Variants in PARD3 observed in about 807,000 individuals in gnomAD.
The protein encoded by PARD3 is par-3 family cell polarity regulator.
In PARD3, 75 loss-of-function variants were observed where a neutral mutation model predicts 155.4. The ratio of observed to expected loss-of-function variants is 0.48; its 90% confidence interval spans 0.40 to 0.58. The LOEUF is 0.58. PARD3 is among the 20% of genes least tolerant of loss of function. PARD3 has a pLI of 0.00. For synonymous variants in PARD3, 576 were observed against 610.5 expected (o/e 0.94, Z 0.83); for missense variants, 1,642 against 1,721.7 (o/e 0.95, Z 0.82).
chr10:34,215,448 C>T (rs1951958481), intron 22 of PARD3, among the ~76,000 whole-genome samples: 2 of 152,182 alleles, frequency 1.3e-5, no homozygotes, highest in African/African-American at 2.4e-5. Context: ...AAAACTCTAT[C>T]CTTTAATCCA....
chr10:34,792,595 C>A (rs1413022899), intron 1 of PARD3, among the ~76,000 whole-genome samples: 1 of 152,212 alleles, frequency 6.6e-6, no homozygotes, highest in Non-Finnish European at 1.5e-5. Flanking sequence ...TTCTCAAGTA[C>A]ACTGTTTTCC....
chr10:34,756,287 G>A lies in PARD3; in HGVS notation c.120+58589C>T, dbSNP rs186368399. Among the ~76,000 whole-genome samples the A allele has an allele frequency of 2.6e-3, 384 of 149,370 alleles. 2 individuals are homozygous for A. The highest frequency in any genetic ancestry group is 6.8e-3 in the Middle Eastern group (2 of 292). On this transcript the variant is annotated intron_variant, in intron 1 of 24. Transcript: ENST00000374788. ...TCCTGCCTCAGCCTCCTGAGTAGCT[G>A]GGACTACAGGCACCCGCCACCACAC...
chr10:34,577,904 G>T (rs1008489574), intron 2 of PARD3, among the ~76,000 whole-genome samples: 1 of 151,638 alleles, frequency 6.6e-6, no homozygotes, highest in African/African-American at 2.4e-5. Context: ...CAAGCTGGAG[G>T]GCAGGGGCAC....
At chr10:34,308,461 T>C (rs890977899) in intron 20 of PARD3, among the ~76,000 whole-genome samples, 14 of 152,178 alleles carry the variant, frequency 9.2e-5, no homozygotes, top group African/African-American at 2.9e-4. Flanking sequence ...CTTTTGCTTT[T>C]ATACATTCTT....
chr10:34,364,081 G>C (rs1434667198), intron 12 of PARD3, among the ~76,000 whole-genome samples: 2 of 152,110 alleles, frequency 1.3e-5, no homozygotes, highest in African/African-American at 4.8e-5. Flanking sequence ...AAAAAACTGA[G>C]AATAGAGCTG....
chr10:34,802,282 T>G (rs779465726), intron 1 of PARD3, among the ~76,000 whole-genome samples: 1 of 149,888 alleles, frequency 6.7e-6, no homozygotes, highest in East Asian at 1.9e-4. Flanking sequence ...AAAGCACTTT[T>G]AGAAAAAAAA....
chr10:34,773,415 G>A (rs758883425), intron 1 of PARD3, among the ~76,000 whole-genome samples: 13 of 152,048 alleles, frequency 8.5e-5, no homozygotes, highest in Non-Finnish European at 1.6e-4. Flanking sequence ...TAATGGTTTC[G>A]GAAATTAAAT....
rs1554785721 is a variant in PARD3 at position 34,608,533 on chromosome 10, A to AC, written c.222+87784dup. On this transcript the variant is annotated intron_variant, in intron 2 of 24. Transcript: ENST00000374788. The stretch of plus-strand genomic sequence containing the variant: ...ACAAAAGAATACAGTAAAAAAGAAT[A>AC]CTTTTTTTTTTTTTTTTTTGAGACG... Among the ~76,000 whole-genome samples, 8 of 112,452 alleles carry AC rather than the reference A, an allele frequency of 7.1e-5. No individual in the cohort carries two copies. In the South Asian group the frequency reaches 1.1e-3, roughly 16 times the overall value. 73.8% of individuals were successfully genotyped at this position (112,452 alleles called of 152,430 possible). A position where few individuals can be genotyped will look rare whatever the true frequency, so the allele number is the denominator to read the frequency against.
chr10:34,712,681 G>C (rs1422400646), intron 1 of PARD3, among the ~76,000 whole-genome samples: 2 of 152,098 alleles, frequency 1.3e-5, no homozygotes, highest in Non-Finnish European at 2.9e-5. Flanking sequence ...TAGGAAGGGA[G>C]ACACTGTCGC....
At chr10:34,345,046 A>T in intron 15 of PARD3, 1 of 984,616 alleles carries the variant, frequency 1.0e-6, no homozygotes, top group Non-Finnish European at 1.2e-6. Context: ...AGACTTTCGA[A>T]TAACTGCTTA....
At chr10:34,505,271 G>A (rs1055776400) in intron 3 of PARD3, among the ~76,000 whole-genome samples, 1 of 152,130 alleles carries the variant, frequency 6.6e-6, no homozygotes, top group African/African-American at 2.4e-5. Context: ...AACATAATTA[G>A]GCAAATAAGG....
chr10:34,612,996 C>G (rs943807852), intron 2 of PARD3, among the ~76,000 whole-genome samples: 1 of 152,044 alleles, frequency 6.6e-6, no homozygotes, highest in African/African-American at 2.4e-5. Flanking sequence ...TGTACAAAAC[C>G]TAAACCTACA....
intron 20 of PARD3, among the ~76,000 whole-genome samples, chr10:34,315,998 T>C (rs1039052570): frequency 2.0e-5 from 3 of 152,228 alleles, no homozygotes; most frequent in Admixed American, 1.3e-4. Flanking sequence ...GGCTGGGCCA[T>C]GGTTCCTCGA....
At chr10:34,749,785 G>C (rs564823329) in intron 1 of PARD3, among the ~76,000 whole-genome samples, 1 of 152,054 alleles carries the variant, frequency 6.6e-6, no homozygotes, top group Non-Finnish European at 1.5e-5. Context: ...CACTTTGAGA[G>C]GCAGGAGGGC....
intron 9 of PARD3, 119 bp downstream of exon 9, chr10:34,382,421 G>C: frequency 2.1e-6 from 2 of 932,098 alleles, no homozygotes; most frequent in Non-Finnish European, 3.3e-6. Flanking sequence ...AAAATAATTA[G>C]ATAAGACTCA....
intron 22 of PARD3, among the ~76,000 whole-genome samples, chr10:34,202,575 C>G (rs1014348557): frequency 6.6e-6 from 1 of 152,188 alleles, no homozygotes. Context: ...CCACATCACA[C>G]AGATGATCAA....
rs1373473714 is a variant in PARD3 at position 34,461,924 on chromosome 10, C to T, written c.582+8161G>A. ...CACCTTAGGATTTTATCACTTTGAA[C>T]ACAAAATATTTAAAGCATATGAAGG... On this transcript the variant is annotated intron_variant, in intron 4 of 24. Coordinates refer to ENST00000374788, the MANE Select transcript of PARD3 (RefSeq NM_001184785.2). Among the ~76,000 whole-genome samples the T allele has an allele frequency of 4.6e-5, 7 of 152,036 alleles. No homozygotes were observed. The East Asian group carries it at 1.2e-3, about 25-fold the overall frequency.
intron 22 of PARD3, among the ~76,000 whole-genome samples, chr10:34,196,277 T>C (rs916039856): frequency 2.0e-5 from 3 of 152,194 alleles, no homozygotes; most frequent in African/African-American, 7.2e-5. Flanking sequence ...ATAATACCTT[T>C]GAATAGAGTG....
At chr10:34,476,541 AC>A (rs1320142131) in intron 3 of PARD3, among the ~76,000 whole-genome samples, 1 of 152,096 alleles carries the variant, frequency 6.6e-6, no homozygotes, top group African/African-American at 2.4e-5. Flanking sequence ...ACTGGCCTAG[AC>A]CTGTGATACT....
Sources: allele counts gnomAD v4.1 joint callset (sites outside exome capture counted in the v4.1 genomes callset), GRCh38; gene constraint gnomAD v4.1.1; transcripts MANE v1.5; gene names NCBI Gene and HGNC (gene_info 2026-07-23, HGNC 2026-07-21).